MYO6: variants seen among roughly 807,000 people sequenced by gnomAD.
MYO6 encodes myosin VI.
A neutral mutation model predicts 178.7 loss-of-function variants in MYO6; 74 were observed. The observed-to-expected ratio is 0.41, with a 90% CI of 0.34 to 0.50. MYO6 has a LOEUF of 0.50. Ranked by LOEUF, MYO6 falls within the 20% of genes least tolerant of loss-of-function variation. The probability of loss-of-function intolerance (pLI) is 0.09; values close to 1 mark genes in which losing one functional copy is unlikely to be tolerated. For missense variants in MYO6, 1,330 were observed against 1,547.4 expected (o/e 0.86, Z 2.36); for synonymous variants, 477 against 504.6 (o/e 0.95, Z 0.73).
intron 11 of MYO6, among the ~76,000 whole-genome samples, chr6:75,853,654 C>T (rs1775480034): frequency 6.6e-6 from 1 of 151,976 alleles, no homozygotes; most frequent in Non-Finnish European, 1.5e-5. Context: ...ACATTTTTTT[C>T]TCATATATAT....
intron 3 of MYO6, among the ~76,000 whole-genome samples, chr6:75,824,151 G>C (rs1772192132): frequency 6.6e-6 from 1 of 152,150 alleles, no homozygotes; most frequent in Admixed American, 6.5e-5. Flanking sequence ...TGTGACAAAT[G>C]GTTTTGAATA....
chr6:75,837,766 C>T (rs1773797172), intron 7 of MYO6, among the ~76,000 whole-genome samples: 1 of 152,068 alleles, frequency 6.6e-6, no homozygotes, highest in Admixed American at 6.5e-5. Context: ...GGTGTTGTAA[C>T]ATACCCAGAT....
At chr6:75,909,156 C>G (rs1207966336) in intron 32 of MYO6, among the ~76,000 whole-genome samples, 1 of 152,176 alleles carries the variant, frequency 6.6e-6, no homozygotes, top group African/African-American at 2.4e-5. Flanking sequence ...TTCCAAAGTG[C>G]TAGGATTATA....
Position 75,911,708 on chromosome 6 carries a change from T to C in MYO6, c.3439+10T>C. ...TTTTTGAACAATTCACGTAAGTCAATGGGTGGTAACTCATGAGCTAACTGG... is the reference window on the plus strand; with the variant it reads ...TTTTTGAACAATTCACGTAAGTCAACGGGTGGTAACTCATGAGCTAACTGG... On this transcript the variant is annotated intron_variant, in intron 33 of 34. Coordinates refer to ENST00000369977, the MANE Select transcript of MYO6 (RefSeq NM_004999.4). 6.2e-7 allele frequency: 1 copy of C among 1,610,672 alleles called. No individual in the cohort carries two copies. Among genetic ancestry groups the C allele is most frequent in the Non-Finnish European group, 8.5e-7 (1 of 1,177,124 alleles).
intron 1 of MYO6, among the ~76,000 whole-genome samples, chr6:75,802,392 C>A (rs1392625310): frequency 1.3e-5 from 2 of 151,928 alleles, no homozygotes. Context: ...TTGCTTGAAC[C>A]CGGGAGGTGA....
intron 1 of MYO6, 131 bp from the exon 2 acceptor site, chr6:75,817,370 G>T: frequency 1.6e-6 from 1 of 634,690 alleles, no homozygotes; most frequent in African/African-American, 1.8e-5. Context: ...AGGAGGTGGG[G>T]ATTTTATGTG....
intron 30 of MYO6, among the ~76,000 whole-genome samples, chr6:75,900,572 T>C (rs1779684039): frequency 1.3e-5 from 2 of 152,210 alleles, no homozygotes; most frequent in African/African-American, 2.4e-5. Flanking sequence ...TGCCCACTTT[T>C]TGATGGGGTT....
At chr6:75,879,419 AT>A (rs34598660) in intron 20 of MYO6, among the ~76,000 whole-genome samples, 45,271 of 126,312 alleles carry the variant, frequency 0.36, 8,138 homozygotes, top group Middle Eastern at 0.51. Flanking sequence ...TGATTTCTCT[AT>A]TTTTTTTTTT....
In MYO6 at chr6:75,859,693, A is replaced by C. The variant is rs545240538; in HGVS notation, c.1473+700A>C. Among the ~76,000 whole-genome samples the C allele has an allele frequency of 4.3e-5, 5 of 116,410 alleles. No individual in the cohort carries two copies. The East Asian group carries it at 1.3e-3, about 30-fold the overall frequency. 76.4% of individuals were successfully genotyped at this position (116,410 alleles called of 152,430 possible). ...TTTTTTTTTTTTTTTTTTGAGACGA[A>C]GTCTTGCTCAGGCTGGAATGCAGTG... On this transcript the variant is annotated intron_variant, in intron 14 of 34. Coordinates refer to ENST00000369977, the MANE Select transcript of MYO6 (RefSeq NM_004999.4).
intron 18 of MYO6, chr6:75,867,348 T>C: frequency 5.2e-6 from 2 of 382,702 alleles, no homozygotes; most frequent in South Asian, 2.9e-5. Flanking sequence ...TTGCCTCTCC[T>C]AATGTTCTTG....
At chr6:75,797,722 C>T (rs1339949317) in intron 1 of MYO6, among the ~76,000 whole-genome samples, 1 of 151,884 alleles carries the variant, frequency 6.6e-6, no homozygotes, top group Non-Finnish European at 1.5e-5. Flanking sequence ...TTAGTAGGGA[C>T]GAGGTTTCAC....
chr6:75,818,398 ATC>A (rs1035634925), intron 2 of MYO6, among the ~76,000 whole-genome samples: 2 of 152,232 alleles, frequency 1.3e-5, no homozygotes, highest in South Asian at 2.1e-4. Context: ...AGAGGAAATA[ATC>A]TCTTTTTATT....
chr6:75,815,466 C>T (rs1242600575), intron 1 of MYO6, among the ~76,000 whole-genome samples: 1 of 152,134 alleles, frequency 6.6e-6, no homozygotes, highest in Non-Finnish European at 1.5e-5. Context: ...CAACTTTGAG[C>T]ATCACTCATA....
At chr6:75,885,889 T>G in intron 23 of MYO6, 115 bp from the exon 24 acceptor site, 2 of 691,550 alleles carry the variant, frequency 2.9e-6, no homozygotes, top group Non-Finnish European at 5.0e-6. Flanking sequence ...TATAATAATA[T>G]GGTCGTCAAG....
At chr6:75,754,649 G>A (rs949712267) in intron 1 of MYO6, among the ~76,000 whole-genome samples, 3 of 149,750 alleles carry the variant, frequency 2.0e-5, no homozygotes, top group Non-Finnish European at 3.0e-5. Flanking sequence ...GATATTTACT[G>A]AGGGCCCACT....
chr6:75,852,794 T>C (rs1324598604), intron 11 of MYO6, among the ~76,000 whole-genome samples: 1 of 152,240 alleles, frequency 6.6e-6, no homozygotes, highest in Non-Finnish European at 1.5e-5. Context: ...TTATGAATAA[T>C]GCTGCTGAGA....
chr6:75,845,725 TTG>T (rs1774671039), intron 10 of MYO6, among the ~76,000 whole-genome samples: 1 of 148,618 alleles, frequency 6.7e-6, no homozygotes, highest in Non-Finnish European at 1.5e-5. Flanking sequence ...TGGGTCACGC[TTG>T]TAATCCCAGC....
chr6:75,789,441 G>A (rs1562161174), intron 1 of MYO6, among the ~76,000 whole-genome samples: 1 of 151,986 alleles, frequency 6.6e-6, no homozygotes, highest in African/African-American at 2.4e-5. Flanking sequence ...CAAACCTGTG[G>A]TTGTTCACTC....
At chr6:75,752,839 A>G (rs1226001882) in intron 1 of MYO6, among the ~76,000 whole-genome samples, 2 of 152,172 alleles carry the variant, frequency 1.3e-5, no homozygotes, top group Non-Finnish European at 2.9e-5. Flanking sequence ...TATGTGTTTA[A>G]CTTTGATAGG....
Sources: gnomAD v4.1 joint callset for allele counts (sites outside exome capture counted in the v4.1 genomes callset) on GRCh38, gnomAD v4.1.1 for gene constraint, MANE v1.5 for transcripts, NCBI Gene and HGNC (gene_info 2026-07-23, HGNC 2026-07-21) for gene names.